PAK3: variants seen among roughly 807,000 people sequenced by gnomAD.
PAK3 encodes the protein serine/threonine-protein kinase PAK 3.
Under a neutral mutation model 41.0 loss-of-function variants are expected in PAK3, and 4 were observed. That is an observed-to-expected ratio of 0.10 (90% CI 0.05 to 0.22). The LOEUF (loss-of-function observed/expected upper bound fraction) is 0.22, where lower values mean the gene tolerates loss of function less well. Ranked by LOEUF, PAK3 falls within the 10% of genes least tolerant of loss-of-function variation. The probability of loss-of-function intolerance (pLI) is 1.00; values close to 1 mark genes in which losing one functional copy is unlikely to be tolerated. For missense variants in PAK3, 205 were observed against 409.9 expected, an observed-to-expected ratio of 0.50 and a Z score of 4.32; for synonymous variants, 146 against 139.6, an observed-to-expected ratio of 1.05 and a Z score of -0.32.
rs768744847 is a variant in PAK3, at chrX:111,222,408, C to T, written c.*1961C>T. ...ACTGTAAAAGTTGGGAGAGGCTTGA[C>T]CTCCTCCCCTTGAAAATGTCCACAG... On this transcript the variant is annotated 3_prime_UTR_variant, in exon 18 of 18. Transcript: ENST00000372007. 6.3e-5 allele frequency: 7 copies of T among 111,659 alleles called. No individual in the cohort carries two copies. The highest frequency in any genetic ancestry group is 1.1e-4 in the Non-Finnish European group (6 of 53,057). The allele number at this position is 111,659 out of a possible 1,213,427, so 9.2% of individuals were successfully genotyped here.
chrX:111,202,701 C>G (rs1366788823), intron 16 of PAK3, among the ~76,000 whole-genome samples: 2 of 111,567 alleles, frequency 1.8e-5, no homozygotes, highest in Non-Finnish European at 3.8e-5. Context: ...GAGAGTGCCC[C>G]TTTATTAACT....
chrX:111,115,943 AG>A (rs1414040271), intron 4 of PAK3, among the ~76,000 whole-genome samples: 5 of 111,793 alleles, frequency 4.5e-5, no homozygotes, highest in Non-Finnish European at 9.4e-5. Flanking sequence ...AGCAACATTC[AG>A]GCACCTCTGT....
At chrX:110,992,462 TG>T (rs1252999460) in intron 1 of PAK3, among the ~76,000 whole-genome samples, 1 of 110,216 alleles carries the variant, frequency 9.1e-6, no homozygotes, top group Non-Finnish European at 1.9e-5. Context: ...CTATAAGCAG[TG>T]GGTTTTGACC....
At chrX:111,075,877 A>G (rs189594845) in intron 1 of PAK3, among the ~76,000 whole-genome samples, 205 of 112,733 alleles carry the variant, frequency 1.8e-3, no homozygotes, top group African/African-American at 6.3e-3. Flanking sequence ...CATCCCTCAT[A>G]CCAGTGTGCC....
At chrX:111,117,082 C>T (rs921283782) in intron 4 of PAK3, among the ~76,000 whole-genome samples, 1 of 111,721 alleles carries the variant, frequency 9.0e-6, no homozygotes, top group East Asian at 2.8e-4. Context: ...AAAACGAGGC[C>T]ATCTAAGAAT....
chrX:110,954,956 G>A lies in PAK3; in HGVS notation c.-28+10328G>A, dbSNP rs147331377. Among the ~76,000 whole-genome samples, 425 of 111,178 alleles carry A rather than the reference G, an allele frequency of 3.8e-3. 3 individuals are homozygous for A. Among genetic ancestry groups the A allele is most frequent in the Non-Finnish European group, 5.8e-3 (310 of 53,044 alleles). On this transcript the variant is annotated intron_variant, in intron 1 of 14. Transcript: ENST00000425146. ...TTCAGCTAAAGGGAGCCTGGGTGGG[G>A]GAAGACAACCAGGGAGAGGACCCAG...
Position 110,947,492 on chromosome X carries a change from T to A in PAK3, c.-28+2864T>A, listed in dbSNP as rs532161897. Among the ~76,000 whole-genome samples, 27 of 111,611 alleles carry A rather than the reference T, an allele frequency of 2.4e-4. No individual in the cohort carries two copies. In the South Asian group the frequency reaches 1.0e-2, roughly 41 times the overall value. Reference sequence around the variant, plus strand: ...TGATGTAGGTTCTAAAGAAGACTAGTTCCATAGAATGTTAGTAGGGCACAC... The same window carrying A: ...TGATGTAGGTTCTAAAGAAGACTAGATCCATAGAATGTTAGTAGGGCACAC... On this transcript the variant is annotated intron_variant, in intron 1 of 14. Transcript: ENST00000425146.
At chrX:111,050,394 T>C (rs2092546368) in intron 1 of PAK3, among the ~76,000 whole-genome samples, 1 of 112,244 alleles carries the variant, frequency 8.9e-6, no homozygotes, top group African/African-American at 3.2e-5. Context: ...CACTTCTATT[T>C]TGCTTTTTCC....
Position 111,177,387 on chromosome X carries a change from A to G in PAK3, c.830+4306A>G, listed in dbSNP as rs374272957. The stretch of plus-strand genomic sequence containing the variant: ...GCCAGAGAATTGGGCTCCATCTTCC[A>G]TAAATCAAGTTCAGAATCACATGTC... On this transcript the variant is annotated intron_variant, in intron 11 of 17. Coordinates refer to ENST00000372007, the MANE Select transcript of PAK3 (RefSeq NM_002578.5). Among the ~76,000 whole-genome samples, 12 of 112,336 alleles carry G rather than the reference A, an allele frequency of 1.1e-4. No homozygotes were observed. In the East Asian group the frequency reaches 2.8e-3, roughly 26 times the overall value.
intron 8 of PAK3, among the ~76,000 whole-genome samples, chrX:111,159,652 T>C (rs1476358072): frequency 9.0e-6 from 1 of 111,517 alleles, no homozygotes; most frequent in Non-Finnish European, 1.9e-5. Flanking sequence ...GAATTAGTGT[T>C]TTGCAAGAAG....
At chrX:110,993,700 T>C (rs1331503690) in intron 1 of PAK3, among the ~76,000 whole-genome samples, 1 of 112,128 alleles carries the variant, frequency 8.9e-6, no homozygotes, top group Non-Finnish European at 1.9e-5. Flanking sequence ...AAAGATAGCA[T>C]GGATGAAGGT....
intron 1 of PAK3, among the ~76,000 whole-genome samples, chrX:111,064,161 C>T: frequency 8.9e-6 from 1 of 112,074 alleles, no homozygotes; most frequent in Non-Finnish European, 1.9e-5. Context: ...CTCTGACATG[C>T]TCCTACTTTA....
At position 111,194,295 on chromosome X, in the gene PAK3, T is replaced by A; in HGVS notation, c.993-6T>A. 9.3e-7 allele frequency: 1 copy of A among 1,076,390 alleles called. No homozygotes were observed. The highest frequency in any genetic ancestry group is 1.3e-6 in the Non-Finnish European group (1 of 772,154). 88.7% of individuals were successfully genotyped at this position (1,076,390 alleles called of 1,213,427 possible). On this transcript the variant is annotated splice_region_variant and splice_polypyrimidine_tract_variant and intron_variant, in intron 13 of 17. Coordinates refer to ENST00000372007, the MANE Select transcript of PAK3 (RefSeq NM_002578.5). ...TAAGGCAAAGTCTTTTCTTTTCTTG[T>A]TATAGCTACTTGGTGGGTGATGAAC...
At position 111,047,867 on chromosome X, in the gene PAK3, A is replaced by G. The variant is rs143988800; in HGVS notation, c.-27-75210A>G. Among the ~76,000 whole-genome samples the G allele has an allele frequency of 6.1e-3, 682 of 111,816 alleles. 2 individuals are homozygous for G. Among genetic ancestry groups the G allele is most frequent in the Non-Finnish European group, 0.011 (559 of 53,107 alleles). On this transcript the variant is annotated intron_variant, in intron 1 of 14. Transcript: ENST00000425146. ...TATCTCTTTCTCTTCTGCATCATCAATCTTTCTCCAGAGATATGCAGTGGC... is the reference window on the plus strand; with the variant it reads ...TATCTCTTTCTCTTCTGCATCATCAGTCTTTCTCCAGAGATATGCAGTGGC...
chrX:111,068,458 C>A lies in PAK3; in HGVS notation c.-27-54619C>A, dbSNP rs186252051. 1.3e-4 allele frequency among the ~76,000 whole-genome samples: 15 copies of A among 111,785 alleles called. No homozygotes were observed. The East Asian group carries it at 3.4e-3, about 25-fold the overall frequency. On this transcript the variant is annotated intron_variant, in intron 1 of 14. Transcript: ENST00000425146. ...GAGATCACAGGTGTGTGCCACCACG[C>A]TGGCTAATTTTTGTATATTTTTTGA...
chrX:111,039,331 C>T (rs1048967613), intron 1 of PAK3, among the ~76,000 whole-genome samples: 1 of 112,264 alleles, frequency 8.9e-6, no homozygotes, highest in Non-Finnish European at 1.9e-5. Context: ...CACTTGCTGA[C>T]TTACAGTCTC....
chrX:110,975,794 G>T, intron 1 of PAK3, among the ~76,000 whole-genome samples: 1 of 111,400 alleles, frequency 9.0e-6, no homozygotes, highest in East Asian at 2.8e-4. Context: ...AGAGGCCTCA[G>T]AAATAACACC....
intron 1 of PAK3, among the ~76,000 whole-genome samples, chrX:110,958,483 G>T: frequency 1.8e-5 from 2 of 111,617 alleles, no homozygotes; most frequent in Middle Eastern, 4.6e-3. Flanking sequence ...GGTGACAGTG[G>T]CCATGAAGAG....
At chrX:111,007,827 C>T (rs2091954781) in intron 1 of PAK3, among the ~76,000 whole-genome samples, 1 of 111,832 alleles carries the variant, frequency 8.9e-6, no homozygotes, top group African/African-American at 3.3e-5. Flanking sequence ...TGTGAATGCA[C>T]AGAAGGCAAC....
Sources: allele counts gnomAD v4.1 joint callset (sites outside exome capture counted in the v4.1 genomes callset), GRCh38; gene constraint gnomAD v4.1.1; transcripts MANE v1.5; gene names NCBI Gene and HGNC (gene_info 2026-07-23, HGNC 2026-07-21).